RPAP2: variants seen among roughly 807,000 people sequenced by gnomAD.
RPAP2 encodes the protein RNA polymerase II associated protein 2.
Under a neutral mutation model 73.1 loss-of-function variants are expected in RPAP2, and 52 were observed. That is an observed-to-expected ratio of 0.71 (90% CI 0.57 to 0.90). The LOEUF (loss-of-function observed/expected upper bound fraction) is 0.90, where lower values mean the gene tolerates loss of function less well. RPAP2 is among the 40% of genes least tolerant of loss of function. The pLI is 0.00. For missense variants in RPAP2, 598 were observed against 701.8 expected (o/e 0.85, Z 1.67); for synonymous variants, 225 against 242.1 (o/e 0.93, Z 0.65).
intron 8 of RPAP2, among the ~76,000 whole-genome samples, chr1:92,332,189 TG>T (rs762457427): frequency 1.3e-5 from 2 of 152,064 alleles, no homozygotes; most frequent in Non-Finnish European, 2.9e-5. Flanking sequence ...GTGGTGACTG[TG>T]CTTCATTCTG....
At chr1:92,332,226 C>G (rs1653010845) in intron 8 of RPAP2, among the ~76,000 whole-genome samples, 1 of 151,884 alleles carries the variant, frequency 6.6e-6, no homozygotes, top group African/African-American at 2.4e-5. Flanking sequence ...AGCATTCTCT[C>G]TTCAGCCATT....
intron 6 of RPAP2, among the ~76,000 whole-genome samples, chr1:92,315,613 A>G (rs562079956): frequency 7.2e-5 from 11 of 152,348 alleles, no homozygotes; most frequent in South Asian, 4.1e-4. Flanking sequence ...TATCCCTTAG[A>G]ATTTATAAGA....
At chr1:92,380,193 G>A (rs1022061435) in intron 11 of RPAP2, among the ~76,000 whole-genome samples, 21 of 151,130 alleles carry the variant, frequency 1.4e-4, no homozygotes, top group South Asian at 2.1e-4. Context: ...CAGGAGAATC[G>A]CTTGAACCCA....
chr1:92,351,307 A>AAAAAAAAAAAAAAC, intron 11 of RPAP2, among the ~76,000 whole-genome samples: 1 of 24,406 alleles, frequency 4.1e-5, no homozygotes, highest in African/African-American at 1.6e-4. Flanking sequence ...CTCTGTCTCA[A>AAAAAAAAAAAAAAC]AAAAAAAAAA....
At chr1:92,328,129 G>A (rs914649809) in intron 8 of RPAP2, among the ~76,000 whole-genome samples, 1 of 152,124 alleles carries the variant, frequency 6.6e-6, no homozygotes, top group African/African-American at 2.4e-5. Flanking sequence ...ATGACTATGT[G>A]CCGGGGCAAT....
At chr1:92,329,742 CAACTT>C (rs1467152958) in intron 8 of RPAP2, among the ~76,000 whole-genome samples, 1 of 152,056 alleles carries the variant, frequency 6.6e-6, no homozygotes, top group Non-Finnish European at 1.5e-5. Context: ...ATAATAAACT[CAACTT>C]GATTGAGCTA....
rs148825382 is a variant in RPAP2, at chr1:92,329,864, T to C, written c.1456-3527T>C. On this transcript the variant is annotated intron_variant, in intron 8 of 12. Coordinates refer to ENST00000610020, the MANE Select transcript of RPAP2 (RefSeq NM_024813.3). Reference sequence around the variant, plus strand: ...ACATTAGCGTATGAATTGGTCATGGTCTCATCATAAATCACATGGTACAAA... The same window carrying C: ...ACATTAGCGTATGAATTGGTCATGGCCTCATCATAAATCACATGGTACAAA... Among the ~76,000 whole-genome samples the C allele has an allele frequency of 3.9e-5, 6 of 152,332 alleles. No individual in the cohort carries two copies. In the East Asian group the frequency reaches 1.2e-3, roughly 29 times the overall value.
intron 12 of RPAP2, among the ~76,000 whole-genome samples, chr1:92,384,098 C>T (rs1655763822): frequency 2.0e-5 from 3 of 151,546 alleles, no homozygotes; most frequent in Admixed American, 1.3e-4. Context: ...GCTGGGACTA[C>T]AGGCGTGCAC....
chr1:92,363,212 G>A (rs1654801785), intron 11 of RPAP2, among the ~76,000 whole-genome samples: 1 of 152,202 alleles, frequency 6.6e-6, no homozygotes, highest in Non-Finnish European at 1.5e-5. Context: ...GGGTAGGAAA[G>A]AGATTGAACA....
intron 2 of RPAP2, 129 bp downstream of exon 2, chr1:92,300,368 C>G (rs1231445851): frequency 1.4e-6 from 1 of 703,908 alleles, no homozygotes; most frequent in African/African-American, 1.8e-5. Flanking sequence ...AGGGAAAGAT[C>G]TGGGAAGGCC....
intron 11 of RPAP2, among the ~76,000 whole-genome samples, chr1:92,353,042 C>A (rs1300530744): frequency 2.6e-5 from 4 of 152,166 alleles, no homozygotes; most frequent in African/African-American, 9.7e-5. Flanking sequence ...CTTTTTATGG[C>A]CAAATAATAT....
intron 12 of RPAP2, among the ~76,000 whole-genome samples, chr1:92,383,379 C>T (rs1478750490): frequency 6.6e-6 from 1 of 152,040 alleles, no homozygotes; most frequent in African/African-American, 2.4e-5. Context: ...ATTTTCACGA[C>T]ATTGATTCTT....
intron 9 of RPAP2, 141 bp downstream of exon 9, chr1:92,333,614 A>G: frequency 1.5e-6 from 1 of 656,612 alleles, no homozygotes; most frequent in Non-Finnish European, 2.6e-6. Context: ...TCTTCACTTA[A>G]GAAATTTGGA....
chr1:92,339,891 C>G (rs993744653), intron 10 of RPAP2, among the ~76,000 whole-genome samples: 1 of 151,958 alleles, frequency 6.6e-6, no homozygotes, highest in African/African-American at 2.4e-5. Context: ...TATTTAAAGA[C>G]TTGATTATAT....
chr1:92,371,175 T>G (rs1309990186), intron 11 of RPAP2, among the ~76,000 whole-genome samples: 1 of 151,862 alleles, frequency 6.6e-6, no homozygotes, highest in East Asian at 1.9e-4. Flanking sequence ...CGTGGTGGCA[T>G]GTGCCTGTAA....
intron 12 of RPAP2, among the ~76,000 whole-genome samples, chr1:92,382,102 T>A (rs546770537): frequency 6.6e-6 from 1 of 152,228 alleles, no homozygotes; most frequent in South Asian, 2.1e-4. Context: ...CATGAACTCA[T>A]CATTTTTTAT....
intron 6 of RPAP2, among the ~76,000 whole-genome samples, chr1:92,318,735 C>T (rs1448230049): frequency 6.6e-6 from 1 of 152,118 alleles, no homozygotes; most frequent in Non-Finnish European, 1.5e-5. Context: ...TATTTGTATT[C>T]TGCCTCCTTT....
chr1:92,332,442 T>C (rs905568195), intron 8 of RPAP2, among the ~76,000 whole-genome samples: 31 of 152,182 alleles, frequency 2.0e-4, no homozygotes, highest in African/African-American at 7.2e-4. Flanking sequence ...GATTGATCTC[T>C]GTAGGCTGTT....
At chr1:92,361,846 CT>C (rs1277787165) in intron 11 of RPAP2, among the ~76,000 whole-genome samples, 2 of 126,234 alleles carry the variant, frequency 1.6e-5, no homozygotes, top group African/African-American at 6.1e-5. Flanking sequence ...ATGGACGTAA[CT>C]GTTTTCTGTG....
Sources: allele counts gnomAD v4.1 joint callset (sites outside exome capture counted in the v4.1 genomes callset), GRCh38; gene constraint gnomAD v4.1.1; transcripts MANE v1.5; gene names NCBI Gene and HGNC (gene_info 2026-07-23, HGNC 2026-07-21).